The following EXOC6B variants were observed in gnomAD, a reference collection of about 807,000 sequenced individuals.
EXOC6B encodes SEC15 homolog B.
EXOC6B carries 54 observed loss-of-function variants against 113.5 expected under a neutral mutation model. The observed-to-expected ratio is 0.48, with a 90% CI of 0.38 to 0.60. The LOEUF (loss-of-function observed/expected upper bound fraction) is 0.60. Among genes scored for constraint, EXOC6B ranks in the 20% least tolerant of loss-of-function variants. The pLI is 0.00. For synonymous variants in EXOC6B, 357 were observed against 339.0 expected (o/e 1.05, Z -0.58); for missense variants, 797 against 977.5 (o/e 0.82, Z 2.46).
chr2:72,334,679 T>C (rs1358823099), intron 20 of EXOC6B, among the ~76,000 whole-genome samples: 1 of 152,096 alleles, frequency 6.6e-6, no homozygotes, highest in East Asian at 1.9e-4. Context: ...ATGGGTCGCA[T>C]CACTTGAGGG....
At chr2:72,454,098 G>A (rs557466927) in intron 18 of EXOC6B, among the ~76,000 whole-genome samples, 2 of 152,122 alleles carry the variant, frequency 1.3e-5, no homozygotes, top group Non-Finnish European at 2.9e-5. Context: ...GACACGCGGG[G>A]ATTATTACAA....
chr2:72,657,908 T>A (rs1674712945), intron 6 of EXOC6B, among the ~76,000 whole-genome samples: 1 of 151,638 alleles, frequency 6.6e-6, no homozygotes, highest in African/African-American at 2.4e-5. Flanking sequence ...TGAAACTATA[T>A]CAGTGGTCAC....
intron 6 of EXOC6B, among the ~76,000 whole-genome samples, chr2:72,576,244 A>G (rs1704845902): frequency 6.6e-6 from 1 of 152,132 alleles, no homozygotes; most frequent in Non-Finnish European, 1.5e-5. Flanking sequence ...AAGTAATCCA[A>G]TAGGATTCCA....
chr2:72,515,297 TATTG>T, intron 8 of EXOC6B, 171 bp from the exon 9 acceptor site: 5 of 837,556 alleles, frequency 6.0e-6, no homozygotes, highest in Non-Finnish European at 9.0e-6. Context: ...TATTACCATG[TATTG>T]AACCTTAGTT....
intron 8 of EXOC6B, among the ~76,000 whole-genome samples, chr2:72,554,249 A>G (rs1011853625): frequency 2.0e-5 from 3 of 152,208 alleles, no homozygotes; most frequent in African/African-American, 7.2e-5. Flanking sequence ...CAGACTTTCC[A>G]CTCAATGCAA....
intron 6 of EXOC6B, among the ~76,000 whole-genome samples, chr2:72,708,763 T>C (rs1679056608): frequency 6.6e-6 from 1 of 152,120 alleles, no homozygotes; most frequent in Non-Finnish European, 1.5e-5. Context: ...AGATTCTTGC[T>C]CTGTCACCCA....
intron 18 of EXOC6B, among the ~76,000 whole-genome samples, chr2:72,395,660 T>C (rs1692682211): frequency 6.6e-6 from 1 of 152,016 alleles, no homozygotes; most frequent in African/African-American, 2.4e-5. Context: ...AAAAAGGAAG[T>C]GATATGGAGA....
At chr2:72,397,726 T>G (rs759271122) in intron 18 of EXOC6B, among the ~76,000 whole-genome samples, 26 of 151,868 alleles carry the variant, frequency 1.7e-4, no homozygotes, top group Non-Finnish European at 2.2e-4. Context: ...TGACACCTAA[T>G]AAGTATGTGA....
intron 1 of EXOC6B, among the ~76,000 whole-genome samples, chr2:72,784,873 T>A (rs993267888): frequency 2.0e-5 from 3 of 152,124 alleles, no homozygotes; most frequent in Non-Finnish European, 4.4e-5. Context: ...AAGTCTCTAC[T>A]CATTTCAGCA....
At chr2:72,680,693 C>T (rs1004652695) in intron 6 of EXOC6B, among the ~76,000 whole-genome samples, 1 of 151,658 alleles carries the variant, frequency 6.6e-6, no homozygotes, top group African/African-American at 2.4e-5. Flanking sequence ...GAGCTGAGAT[C>T]TTGCGACTGC....
chr2:72,350,161 T>C (rs1689571811), intron 19 of EXOC6B, among the ~76,000 whole-genome samples: 3 of 152,232 alleles, frequency 2.0e-5, no homozygotes. Flanking sequence ...ACATGGCCAC[T>C]TCTTCAATGA....
Position 72,495,454 on chromosome 2 carries a change from T to G in EXOC6B, c.1529A>C (p.Lys510Thr), listed in dbSNP as rs1450102535. Residue 510 changes from lysine to threonine, a missense_variant, in exon 15 of 22, where the codon AAG becomes ACG. Lys to Thr is a moderately conservative substitution (Grantham distance 78, BLOSUM62 -1). Coordinates refer to ENST00000272427, the MANE Select transcript of EXOC6B (RefSeq NM_015189.3). ...QIKEFIYACL[K>T]FSEDLHLSST... is the part of the protein sequence containing the mutation. ...CCTTAGATGAAGATCTTCTGAAAAC[T>G]TCAGACAAGCGTAGATAAATTCTTT... 1 of 1,597,638 alleles carries G rather than the reference T, an allele frequency of 6.3e-7. No individual in the cohort carries two copies. Among genetic ancestry groups the G allele is most frequent in the Non-Finnish European group, 8.6e-7 (1 of 1,168,930 alleles).
intron 20 of EXOC6B, among the ~76,000 whole-genome samples, chr2:72,217,746 C>G (rs1487003691): frequency 6.6e-6 from 1 of 152,150 alleles, no homozygotes; most frequent in Non-Finnish European, 1.5e-5. Flanking sequence ...CTTCAAAGGA[C>G]TGATATCTGG....
intron 1 of EXOC6B, among the ~76,000 whole-genome samples, chr2:72,754,190 A>G (rs577462100): frequency 2.0e-5 from 3 of 152,138 alleles, no homozygotes; most frequent in East Asian, 3.9e-4. Flanking sequence ...CCCAGCTCAG[A>G]AGCTGCTCTT....
At chr2:72,568,526 A>AACATAC (rs1232063213) in intron 7 of EXOC6B, among the ~76,000 whole-genome samples, 2 of 151,926 alleles carry the variant, frequency 1.3e-5, no homozygotes, top group Non-Finnish European at 2.9e-5. Flanking sequence ...AGAGAAAAGA[A>AACATAC]ACATACACAT....
chr2:72,460,470 C>T (rs1334944015), intron 18 of EXOC6B, among the ~76,000 whole-genome samples: 1 of 151,636 alleles, frequency 6.6e-6, no homozygotes, highest in East Asian at 1.9e-4. Flanking sequence ...TGACAAAGGG[C>T]TAATATCCAG....
chr2:72,731,068 A>C lies in EXOC6B; in HGVS notation c.419-16T>G, dbSNP rs1680608193. On this transcript the variant is annotated splice_polypyrimidine_tract_variant and intron_variant, in intron 4 of 21. Coordinates refer to ENST00000272427, the MANE Select transcript of EXOC6B (RefSeq NM_015189.3). ...ATCTCTAGGACTTAAAAGAAAGAAA[A>C]GAATACACAAACATGATTTAGAGAA... 6.4e-7 allele frequency: 1 copy of C among 1,556,294 alleles called. No homozygotes were observed. Among genetic ancestry groups the C allele is most frequent in the Admixed American group, 2.0e-5 (1 of 50,210 alleles).
At chr2:72,650,607 GAAAAGAAAAAA>G (rs902061833) in intron 6 of EXOC6B, among the ~76,000 whole-genome samples, 4 of 27,496 alleles carry the variant, frequency 1.5e-4, no homozygotes, top group South Asian at 1.9e-3. Flanking sequence ...GAAAGGAAAA[GAAAAGAAAAAA>G]AAAAGAAAAG....
At chr2:72,426,973 G>A (rs1316663712) in intron 18 of EXOC6B, among the ~76,000 whole-genome samples, 2 of 152,206 alleles carry the variant, frequency 1.3e-5, no homozygotes, top group African/African-American at 4.8e-5. Context: ...CGTGCAGCCA[G>A]ACGGGATGGG....
Sources: gnomAD v4.1 joint callset for allele counts (sites outside exome capture counted in the v4.1 genomes callset) on GRCh38, gnomAD v4.1.1 for gene constraint, MANE v1.5 for transcripts, NCBI Gene and HGNC (gene_info 2026-07-23, HGNC 2026-07-21) for gene names.